The following RAPGEF5 variants were observed in gnomAD, a reference collection of about 807,000 sequenced individuals.
RAPGEF5 encodes the protein M-Ras-regulated GEF.
In RAPGEF5, 65 loss-of-function variants were observed where a neutral mutation model predicts 125.2. That is an observed-to-expected ratio of 0.52 (90% CI 0.43 to 0.64). The LOEUF is 0.64. RAPGEF5 is among the 30% of genes least tolerant of loss of function. RAPGEF5 has a pLI of 0.00. For missense variants in RAPGEF5, 958 were observed against 1,048.1 expected (o/e 0.91, Z 1.19); for synonymous variants, 391 against 385.9 (o/e 1.01, Z -0.16).
At chr7:22,186,933 T>C (rs1292750032) in intron 11 of RAPGEF5, among the ~76,000 whole-genome samples, 8 of 152,218 alleles carry the variant, frequency 5.3e-5, no homozygotes, top group Non-Finnish European at 1.0e-4. Flanking sequence ...AAGCTATTCT[T>C]TAGAAATGTT....
intron 5 of RAPGEF5, among the ~76,000 whole-genome samples, chr7:22,295,980 C>T (rs2128148833): frequency 6.6e-6 from 1 of 152,006 alleles, no homozygotes; most frequent in Non-Finnish European, 1.5e-5. Flanking sequence ...TAATAAACAT[C>T]AGGTAGTAAG....
intron 11 of RAPGEF5, among the ~76,000 whole-genome samples, chr7:22,186,929 T>C (rs1258551919): frequency 6.6e-6 from 1 of 152,222 alleles, no homozygotes; most frequent in Non-Finnish European, 1.5e-5. Flanking sequence ...ATCAAAGCTA[T>C]TCTTTAGAAA....
chr7:22,343,254 G>C (rs1020472486), intron 1 of RAPGEF5, among the ~76,000 whole-genome samples: 3 of 152,134 alleles, frequency 2.0e-5, no homozygotes, highest in African/African-American at 7.2e-5. Context: ...GCACAGGAAA[G>C]ATCTGCCCCC....
intron 11 of RAPGEF5, among the ~76,000 whole-genome samples, chr7:22,170,691 T>C (rs550141462): frequency 6.6e-6 from 1 of 152,316 alleles, no homozygotes; most frequent in East Asian, 1.9e-4. Flanking sequence ...GCAAACCCAT[T>C]TGGCATTCAA....
chr7:22,328,028 T>G (rs973239768), intron 1 of RAPGEF5, among the ~76,000 whole-genome samples: 8 of 152,226 alleles, frequency 5.3e-5, no homozygotes, highest in Admixed American at 5.2e-4. Flanking sequence ...ATTTTAGTAT[T>G]ACTATGTACA....
intron 17 of RAPGEF5, among the ~76,000 whole-genome samples, chr7:22,153,275 T>C (rs1783688694): frequency 6.6e-6 from 1 of 152,244 alleles, no homozygotes; most frequent in Admixed American, 6.5e-5. Context: ...AGCTTAATAC[T>C]GTTTAAAATC....
At chr7:22,209,629 T>G (rs1217682913) in intron 9 of RAPGEF5, among the ~76,000 whole-genome samples, 4 of 152,224 alleles carry the variant, frequency 2.6e-5, no homozygotes, top group African/African-American at 9.6e-5. Context: ...TCCCATTTAT[T>G]TTTTGCTGGC....
At chr7:22,306,067 G>A (rs1214159555) in intron 5 of RAPGEF5, among the ~76,000 whole-genome samples, 1 of 152,120 alleles carries the variant, frequency 6.6e-6, no homozygotes, top group Non-Finnish European at 1.5e-5. Flanking sequence ...TATACACTCA[G>A]CAGTGGGATT....
At chr7:22,314,661 T>C (rs1783551078) in intron 3 of RAPGEF5, 1 of 975,240 alleles carries the variant, frequency 1.0e-6, no homozygotes, top group Non-Finnish European at 1.2e-6. Context: ...TGATAACAAA[T>C]GGTAGTGGTT....
intron 17 of RAPGEF5, 70 bp from the exon 18 acceptor site, chr7:22,150,574 A>C: frequency 6.6e-7 from 1 of 1,509,084 alleles, no homozygotes; most frequent in Non-Finnish European, 8.8e-7. Context: ...AGGCCTACAC[A>C]GTACACTTAA....
chr7:22,176,948 T>C (rs750465575), intron 11 of RAPGEF5, among the ~76,000 whole-genome samples: 12 of 152,224 alleles, frequency 7.9e-5, no homozygotes, highest in Admixed American at 3.3e-4. Flanking sequence ...AGGACAAATA[T>C]ATCAACCAGT....
chr7:22,199,558 A>AAAT (rs1785230388), intron 9 of RAPGEF5, among the ~76,000 whole-genome samples: 1 of 122,210 alleles, frequency 8.2e-6, no homozygotes, highest in Non-Finnish European at 1.7e-5. Flanking sequence ...AAAAAAAAAA[A>AAAT]GGAACTGAGC....
At chr7:22,148,190 C>G (rs1011357559) in intron 18 of RAPGEF5, among the ~76,000 whole-genome samples, 30 of 152,254 alleles carry the variant, frequency 2.0e-4, no homozygotes, top group Middle Eastern at 6.8e-3. Context: ...AGGCTAAGAC[C>G]AGACAGGCTC....
intron 9 of RAPGEF5, among the ~76,000 whole-genome samples, chr7:22,210,033 G>A (rs1785474859): frequency 6.6e-6 from 1 of 152,130 alleles, no homozygotes; most frequent in Non-Finnish European, 1.5e-5. Flanking sequence ...AGAGGAAACT[G>A]CTTATAATCC....
chr7:22,139,837 G>A lies in RAPGEF5; in HGVS notation c.2277+188C>T, dbSNP rs143420420. 4.7e-4 allele frequency: 243 copies of A among 519,318 alleles called. 2 individuals carry two copies. The East Asian group carries it at 8.0e-3, about 17-fold the overall frequency. 32.2% of individuals were successfully genotyped at this position (519,318 alleles called of 1,614,324 possible). On this transcript the variant is annotated intron_variant, in intron 21 of 25. Coordinates refer to ENST00000665637, the MANE Select transcript of RAPGEF5 (RefSeq NM_012294.5). ...AAGACTAATTCTAGCTGGGGAGCAC[G>A]TTACCATTTTTATCTAGTTCAGACA... is the stretch of plus-strand genomic sequence containing the variant.
intron 22 of RAPGEF5, among the ~76,000 whole-genome samples, 169 bp from the exon 23 acceptor site, chr7:22,136,294 C>T (rs1783077906): frequency 6.6e-6 from 1 of 151,982 alleles, no homozygotes; most frequent in African/African-American, 2.4e-5. Context: ...TAAATTAGGG[C>T]AGGAAATCTA....
chr7:22,225,439 C>T (rs1029187752), intron 8 of RAPGEF5, among the ~76,000 whole-genome samples: 2 of 152,082 alleles, frequency 1.3e-5, no homozygotes, highest in Non-Finnish European at 2.9e-5. Flanking sequence ...TATATTACAA[C>T]TATCAAAAAA....
chr7:22,343,106 G>C (rs1784159142), intron 1 of RAPGEF5, among the ~76,000 whole-genome samples: 1 of 152,210 alleles, frequency 6.6e-6, no homozygotes, highest in South Asian at 2.1e-4. Context: ...CCGCATGGCT[G>C]GAGAGGCCTC....
chr7:22,224,919 A>AT (rs548782554), intron 8 of RAPGEF5, among the ~76,000 whole-genome samples: 64 of 150,920 alleles, frequency 4.2e-4, no homozygotes, highest in African/African-American at 1.4e-3. Flanking sequence ...GGTCTTCACT[A>AT]TTTTTTTGGA....
Sources: allele counts gnomAD v4.1 joint callset (sites outside exome capture counted in the v4.1 genomes callset), GRCh38; gene constraint gnomAD v4.1.1; transcripts MANE v1.5; gene names NCBI Gene and HGNC (gene_info 2026-07-23, HGNC 2026-07-21).